PLCL1: variants seen among roughly 807,000 people sequenced by gnomAD.
The protein encoded by PLCL1 is inactive phospholipase C-like protein 1.
PLCL1 carries 41 observed loss-of-function variants against 84.4 expected under a neutral mutation model. That is an observed-to-expected ratio of 0.49 (90% CI 0.38 to 0.63). The LOEUF is 0.63. Ranked by LOEUF, PLCL1 falls within the 30% of genes least tolerant of loss-of-function variation. PLCL1 has a pLI of 0.00. For missense variants in PLCL1, 1,206 were observed against 1,367.8 expected, an observed-to-expected ratio of 0.88 and a Z score of 1.87; for synonymous variants, 490 against 488.3, an observed-to-expected ratio of 1.00 and a Z score of -0.05.
At position 197,959,977 on chromosome 2, in the gene PLCL1, C is replaced by T. The variant is rs535776889; in HGVS notation, c.241-123781C>T. Among the ~76,000 whole-genome samples, 44 of 152,154 alleles carry T rather than the reference C, an allele frequency of 2.9e-4. 1 individual carries two copies. In the Middle Eastern group the frequency reaches 0.017, roughly 59 times the overall value. The stretch of plus-strand genomic sequence containing the variant: ...AAACATCTGTGGCACCTCCACCTCT[C>T]AATTATAAATGACAAAGAGAGAACT... On this transcript the variant is annotated intron_variant, in intron 1 of 5. Coordinates refer to ENST00000428675, the MANE Select transcript of PLCL1 (RefSeq NM_006226.4).
At chr2:198,042,384 A>G (rs552758966) in intron 1 of PLCL1, among the ~76,000 whole-genome samples, 2 of 152,220 alleles carry the variant, frequency 1.3e-5, no homozygotes, top group Non-Finnish European at 2.9e-5. Context: ...ACATTATTTT[A>G]GAAAGGTTAA....
intron 1 of PLCL1, among the ~76,000 whole-genome samples, chr2:197,908,319 C>T (rs1477989740): frequency 6.6e-6 from 1 of 152,178 alleles, no homozygotes; most frequent in Admixed American, 6.5e-5. Context: ...GAATCCCTGC[C>T]AGGTGCTTAA....
chr2:197,840,928 A>C (rs996041153), intron 1 of PLCL1, among the ~76,000 whole-genome samples: 1 of 152,250 alleles, frequency 6.6e-6, no homozygotes, highest in African/African-American at 2.4e-5. Flanking sequence ...ATAGAAGTAC[A>C]TTTCAAAATT....
intron 1 of PLCL1, among the ~76,000 whole-genome samples, chr2:197,851,546 G>C (rs1250101801): frequency 6.6e-6 from 1 of 152,218 alleles, no homozygotes; most frequent in African/African-American, 2.4e-5. Context: ...TGCCTGAGCC[G>C]CTATAAGAAG....
chr2:198,048,299 G>C (rs2105865857), intron 1 of PLCL1, among the ~76,000 whole-genome samples: 1 of 152,308 alleles, frequency 6.6e-6, no homozygotes, highest in South Asian at 2.1e-4. Flanking sequence ...TTTGGTGTCT[G>C]GTAAGGGCCT....
intron 1 of PLCL1, among the ~76,000 whole-genome samples, chr2:198,069,782 A>C (rs1294649828): frequency 6.6e-6 from 1 of 152,200 alleles, no homozygotes; most frequent in Non-Finnish European, 1.5e-5. Flanking sequence ...CATTAGTTGA[A>C]TGTCCTGAGA....
At chr2:197,947,091 G>A (rs1689289313) in intron 1 of PLCL1, among the ~76,000 whole-genome samples, 1 of 152,026 alleles carries the variant, frequency 6.6e-6, no homozygotes. Flanking sequence ...TGATCATTGG[G>A]CAAATAGGGG....
chr2:197,911,176 C>T (rs940752343), intron 1 of PLCL1, among the ~76,000 whole-genome samples: 1 of 151,846 alleles, frequency 6.6e-6, no homozygotes, highest in Non-Finnish European at 1.5e-5. Flanking sequence ...AACCCCATCT[C>T]GACAAAAATA....
At chr2:198,095,854 T>G (rs942948186) in intron 3 of PLCL1, among the ~76,000 whole-genome samples, 4 of 152,218 alleles carry the variant, frequency 2.6e-5, no homozygotes, top group Admixed American at 2.0e-4. Context: ...TACGTTTTAT[T>G]CTGTGTAACC....
intron 5 of PLCL1, among the ~76,000 whole-genome samples, chr2:198,126,982 G>A (rs1694002275): frequency 7.6e-6 from 1 of 132,386 alleles, no homozygotes; most frequent in Non-Finnish European, 1.6e-5. Context: ...TACAGTGAAT[G>A]AGTGTGTGAG....
At chr2:198,034,558 T>A (rs1048387322) in intron 1 of PLCL1, among the ~76,000 whole-genome samples, 3 of 152,352 alleles carry the variant, frequency 2.0e-5, no homozygotes, top group East Asian at 1.9e-4. Context: ...AAAAAAGTTT[T>A]TGTTTTTAAT....
chr2:198,036,938 C>T (rs2105855028), intron 1 of PLCL1, among the ~76,000 whole-genome samples: 1 of 152,278 alleles, frequency 6.6e-6, no homozygotes, highest in Admixed American at 6.5e-5. Context: ...TCCTGTTACC[C>T]TTATCAATCC....
rs764761564 is a variant in PLCL1, at chr2:198,083,951, G to T, written c.434G>T (p.Arg145Leu). Residue 145 changes from arginine (R) to leucine (L), a missense_variant, in exon 2 of 6, where the codon CGC becomes CTC. Physicochemically the swap from Arg to Leu is moderately radical, Grantham distance 102. Transcript: ENST00000428675. ...FTLDTDLQAL[R>L]WEPSKKDLEK... Reference sequence around the variant, plus strand: ...CTGGACACAGACCTTCAAGCTCTTCGCTGGGAACCTTCAAAGAAAGACCTC... The same window carrying T: ...CTGGACACAGACCTTCAAGCTCTTCTCTGGGAACCTTCAAAGAAAGACCTC... 6.2e-7 allele frequency: 1 copy of T among 1,613,922 alleles called. No homozygotes were observed. Among genetic ancestry groups the T allele is most frequent in the East Asian group, 2.2e-5 (1 of 44,904 alleles).
At chr2:197,929,174 T>A (rs377762660) in intron 1 of PLCL1, among the ~76,000 whole-genome samples, 1 of 152,196 alleles carries the variant, frequency 6.6e-6, no homozygotes, top group Admixed American at 6.5e-5. Flanking sequence ...TTTGTTATAC[T>A]GTACTGAACG....
At chr2:197,959,765 A>G (rs1001023714) in intron 1 of PLCL1, among the ~76,000 whole-genome samples, 2 of 152,088 alleles carry the variant, frequency 1.3e-5, no homozygotes, top group Non-Finnish European at 2.9e-5. Context: ...CAAACAAGTG[A>G]TGATCTGGCA....
In PLCL1 at chr2:197,951,829, G is replaced by A. The variant is rs143709720; in HGVS notation, c.241-131929G>A. Among the ~76,000 whole-genome samples, 565 of 152,168 alleles carry A rather than the reference G, an allele frequency of 3.7e-3. 6 individuals are homozygous for A. Among genetic ancestry groups the A allele is most frequent in the Non-Finnish European group, 4.0e-3 (273 of 67,996 alleles). On this transcript the variant is annotated intron_variant, in intron 1 of 5. Coordinates refer to ENST00000428675, the MANE Select transcript of PLCL1 (RefSeq NM_006226.4). ...ACTCTGAACTGGTTGCTTGTGGGAC[G>A]TGACTGAGGAACATGAACTTGTGTT...
intron 1 of PLCL1, 73 bp from the exon 2 acceptor site, chr2:198,083,685 A>G: frequency 1.1e-6 from 1 of 875,762 alleles, no homozygotes; most frequent in Non-Finnish European, 1.7e-6. Context: ...AAGTTTGAGG[A>G]GTTCATAGAG....
chr2:197,889,148 T>G (rs542621779), intron 1 of PLCL1, among the ~76,000 whole-genome samples: 58 of 152,312 alleles, frequency 3.8e-4, no homozygotes, highest in African/African-American at 1.1e-3. Flanking sequence ...TTTTTACAGA[T>G]GAGGAAGTGA....
chr2:198,059,070 C>A (rs935619592), intron 1 of PLCL1, among the ~76,000 whole-genome samples: 3 of 152,118 alleles, frequency 2.0e-5, no homozygotes, highest in Non-Finnish European at 4.4e-5. Context: ...ATTACTACCC[C>A]CTGAACACTT....
Sources: gnomAD v4.1 joint callset for allele counts (sites outside exome capture counted in the v4.1 genomes callset) on GRCh38, gnomAD v4.1.1 for gene constraint, MANE v1.5 for transcripts, NCBI Gene and HGNC (gene_info 2026-07-23, HGNC 2026-07-21) for gene names.